SGCZ: variants seen among roughly 807,000 people sequenced by gnomAD.
The protein encoded by SGCZ is sarcoglycan zeta, also known as zeta-sarcoglycan.
A neutral mutation model predicts 41.3 loss-of-function variants in SGCZ; 40 were observed. The observed-to-expected ratio is 0.97, with a 90% CI of 0.75 to 1.26. SGCZ has a LOEUF of 1.26. Ranked by LOEUF, SGCZ falls within the 50% of genes most tolerant of loss-of-function variation. SGCZ has a pLI of 0.00. For missense variants in SGCZ, 552 were observed against 369.8 expected, an observed-to-expected ratio of 1.49 and a Z score of -4.04; for synonymous variants, 206 against 137.5, an observed-to-expected ratio of 1.50 and a Z score of -3.49.
intron 5 of SGCZ, among the ~76,000 whole-genome samples, chr8:14,123,321 C>T: frequency 6.6e-6 from 1 of 151,744 alleles, no homozygotes; most frequent in East Asian, 1.9e-4. Context: ...CAGTTGTAAA[C>T]TTAAAAGAAG....
chr8:14,640,890 A>C (rs1402180809), intron 1 of SGCZ, among the ~76,000 whole-genome samples: 1 of 151,662 alleles, frequency 6.6e-6, no homozygotes, highest in Non-Finnish European at 1.5e-5. Context: ...TCTGCAGCAT[A>C]CATCTTATTT....
At chr8:15,191,258 A>G (rs1800528090) in intron 1 of SGCZ, among the ~76,000 whole-genome samples, 1 of 152,096 alleles carries the variant, frequency 6.6e-6, no homozygotes, top group African/African-American at 2.4e-5. Flanking sequence ...GAAAAATTCT[A>G]AATTTTCGCA....
At chr8:14,444,777 T>C (rs1208404885) in intron 2 of SGCZ, among the ~76,000 whole-genome samples, 1 of 151,958 alleles carries the variant, frequency 6.6e-6, no homozygotes, top group Non-Finnish European at 1.5e-5. Flanking sequence ...CTAACCGGCA[T>C]ATTGGGCACA....
chr8:14,639,583 T>C (rs1563171436), intron 1 of SGCZ, among the ~76,000 whole-genome samples: 1 of 151,878 alleles, frequency 6.6e-6, no homozygotes, highest in Middle Eastern at 3.4e-3. Flanking sequence ...TGGGTAATCT[T>C]GAAGGCCTCC....
rs897007011 is a variant in SGCZ at position 14,107,042 on chromosome 8, C to T, written c.620+1121G>A. ...CTATCCGGAGCAACATGGTGAAACCCCGTCTCTACTAAAAATACAAAAAAT... is the reference window on the plus strand; with the variant it reads ...CTATCCGGAGCAACATGGTGAAACCTCGTCTCTACTAAAAATACAAAAAAT... On this transcript the variant is annotated intron_variant, in intron 6 of 7. Coordinates refer to ENST00000382080, the MANE Select transcript of SGCZ (RefSeq NM_139167.4). Among the ~76,000 whole-genome samples, 29 of 152,034 alleles carry T rather than the reference C, an allele frequency of 1.9e-4. 1 individual carries two copies. The highest frequency in any genetic ancestry group is 1.3e-4 in the Admixed American group (2 of 15,270).
chr8:14,468,925 C>T (rs1801130259), intron 2 of SGCZ, among the ~76,000 whole-genome samples: 1 of 152,052 alleles, frequency 6.6e-6, no homozygotes, highest in African/African-American at 2.4e-5. Flanking sequence ...CATGTATACA[C>T]TAACTTTACA....
chr8:14,184,395 G>C (rs1409916855), intron 4 of SGCZ, among the ~76,000 whole-genome samples: 1 of 152,090 alleles, frequency 6.6e-6, no homozygotes, highest in African/African-American at 2.4e-5. Flanking sequence ...TTAGTCTTAT[G>C]TAATCCAGAG....
intron 2 of SGCZ, among the ~76,000 whole-genome samples, chr8:14,403,379 G>T (rs947870966): frequency 6.6e-6 from 1 of 151,098 alleles, no homozygotes; most frequent in Non-Finnish European, 1.5e-5. Context: ...CTTTTCAAAG[G>T]GAATGCTTCC....
chr8:14,493,355 C>CTTTTT (rs1563365484), intron 2 of SGCZ, among the ~76,000 whole-genome samples: 1 of 66,242 alleles, frequency 1.5e-5, no homozygotes, highest in Non-Finnish European at 3.0e-5. Flanking sequence ...CACTATCATC[C>CTTTTT]TTTCTTTTTT....
rs569826509 is a variant in SGCZ, at chr8:14,333,625, T to C, written c.235-9421A>G. Among the ~76,000 whole-genome samples the C allele has an allele frequency of 3.9e-4, 60 of 152,232 alleles. 1 individual carries two copies. In the South Asian group the frequency reaches 0.012, roughly 31 times the overall value. ...TTAGCATATTAACATTCAGATGAGT[T>C]TGCAGTAGAGAAACACACTGTGTCT... On this transcript the variant is annotated intron_variant, in intron 2 of 7. Transcript: ENST00000382080.
intron 3 of SGCZ, among the ~76,000 whole-genome samples, chr8:14,312,142 T>C (rs1285331570): frequency 6.6e-6 from 1 of 152,176 alleles, no homozygotes; most frequent in Non-Finnish European, 1.5e-5. Context: ...TTTATACGTA[T>C]ATGTATACAT....
At chr8:14,283,118 G>A (rs1247021306) in intron 3 of SGCZ, among the ~76,000 whole-genome samples, 4 of 151,712 alleles carry the variant, frequency 2.6e-5, no homozygotes, top group Admixed American at 2.6e-4. Flanking sequence ...CAAAGTGCTG[G>A]GATTACAAGT....
chr8:14,325,935 AC>A, intron 2 of SGCZ, among the ~76,000 whole-genome samples: 1 of 148,488 alleles, frequency 6.7e-6, no homozygotes, highest in Non-Finnish European at 1.5e-5. Context: ...ACACGGTGAA[AC>A]CCTGTCTCTA....
Position 15,232,893 on chromosome 8 carries a change from G to C in SGCZ, c.39+4692C>G, listed in dbSNP as rs562664286. Reference sequence around the variant, plus strand: ...AGTGATGTGATTAATATAGTAATTAGCTTCCTTTAATTTTTTCCACATTAT... The same window carrying C: ...AGTGATGTGATTAATATAGTAATTACCTTCCTTTAATTTTTTCCACATTAT... On this transcript the variant is annotated intron_variant, in intron 1 of 7. Coordinates refer to ENST00000382080, the MANE Select transcript of SGCZ (RefSeq NM_139167.4). Among the ~76,000 whole-genome samples the C allele has an allele frequency of 5.8e-4, 88 of 151,282 alleles. 1 individual carries two copies. The highest frequency in any genetic ancestry group is 2.1e-3 in the African/African-American group (88 of 41,340).
chr8:14,433,465 A>G (rs1182636648), intron 2 of SGCZ, among the ~76,000 whole-genome samples: 1 of 152,174 alleles, frequency 6.6e-6, no homozygotes, highest in Non-Finnish European at 1.5e-5. Flanking sequence ...GAGAAAAAGG[A>G]AAAAATCATC....
At chr8:14,499,333 T>C (rs1054694506) in intron 2 of SGCZ, among the ~76,000 whole-genome samples, 2 of 152,206 alleles carry the variant, frequency 1.3e-5, no homozygotes, top group Admixed American at 6.5e-5. Flanking sequence ...TGTCTTAACT[T>C]CAATTATATT....
At chr8:14,456,488 T>G (rs1280346484) in intron 2 of SGCZ, among the ~76,000 whole-genome samples, 2 of 152,054 alleles carry the variant, frequency 1.3e-5, no homozygotes, top group African/African-American at 4.8e-5. Flanking sequence ...ATAAAGGTAT[T>G]AAAATTTAGA....
chr8:14,612,699 GT>G (rs889548576), intron 1 of SGCZ, among the ~76,000 whole-genome samples: 14 of 151,692 alleles, frequency 9.2e-5, no homozygotes, highest in African/African-American at 3.4e-4. Flanking sequence ...GTTTTGTTTT[GT>G]TTTTTTAAAA....
rs575252887 is a variant in SGCZ, at chr8:14,933,081, A to G, written c.39+304504T>C. 3.9e-5 allele frequency among the ~76,000 whole-genome samples: 6 copies of G among 152,092 alleles called. No homozygotes were observed. In the South Asian group the frequency reaches 1.0e-3, roughly 26 times the overall value. The stretch of plus-strand genomic sequence containing the variant: ...GAGGGCAGGAGGGGGATGAGGGCTG[A>G]AAAACTGTTTTTCAACACAGTTTTT... On this transcript the variant is annotated intron_variant, in intron 1 of 7. Transcript: ENST00000382080.
Sources: allele counts gnomAD v4.1 joint callset (sites outside exome capture counted in the v4.1 genomes callset), GRCh38; gene constraint gnomAD v4.1.1; transcripts MANE v1.5; gene names NCBI Gene and HGNC (gene_info 2026-07-23, HGNC 2026-07-21).